Variants in ACYP2 observed in about 807,000 individuals in gnomAD.
ACYP2 encodes acylphosphatase 2.
Under a neutral mutation model 11.2 loss-of-function variants are expected in ACYP2, and 12 were observed. The ratio of observed to expected loss-of-function variants is 1.08; its 90% confidence interval spans 0.69 to 1.74. The LOEUF (loss-of-function observed/expected upper bound fraction) is 1.74, where lower values mean the gene tolerates loss of function less well. ACYP2 is among the 40% of genes most tolerant of loss of function. The probability of loss-of-function intolerance (pLI) is 0.00; values close to 1 mark genes in which losing one functional copy is unlikely to be tolerated. For missense variants in ACYP2, 134 were observed against 101.9 expected (o/e 1.31, Z -1.35); for synonymous variants, 43 against 32.2 (o/e 1.33, Z -1.13).
At chr2:54,239,086 T>C (rs62139199) in intron 6 of ACYP2, among the ~76,000 whole-genome samples, 15,920 of 152,144 alleles carry the variant, frequency 0.1, 975 homozygotes, top group East Asian at 0.17. Context: ...ACCCACACAA[T>C]GTGTATTCGT....
chr2:54,072,793 C>T (rs1213699263), intron 4 of ACYP2, among the ~76,000 whole-genome samples: 1 of 152,028 alleles, frequency 6.6e-6, no homozygotes, highest in African/African-American at 2.4e-5. Context: ...GAACTCCTGA[C>T]CTCAAATGAT....
At chr2:54,068,330 A>T (rs1676850332) in intron 4 of ACYP2, among the ~76,000 whole-genome samples, 1 of 152,188 alleles carries the variant, frequency 6.6e-6, no homozygotes, top group Non-Finnish European at 1.5e-5. Flanking sequence ...CCTGGGCCTC[A>T]GGGCTGGATT....
At chr2:54,211,418 G>C (rs1685325926) in intron 6 of ACYP2, among the ~76,000 whole-genome samples, 1 of 152,140 alleles carries the variant, frequency 6.6e-6, no homozygotes, top group African/African-American at 2.4e-5. Flanking sequence ...ATGTAAGTTT[G>C]ATGTGTGTTT....
chr2:54,115,217 C>T (rs547544581), intron 4 of ACYP2, among the ~76,000 whole-genome samples: 1 of 152,174 alleles, frequency 6.6e-6, no homozygotes, highest in African/African-American at 2.4e-5. Flanking sequence ...GCAATGGATA[C>T]GTTAATTTCA....
intron 4 of ACYP2, among the ~76,000 whole-genome samples, chr2:54,098,727 T>C (rs1008637658): frequency 1.5e-4 from 4 of 25,988 alleles, no homozygotes; most frequent in East Asian, 3.0e-3. Context: ...ACAATGTCCC[T>C]TTTTTTTTTT....
At chr2:54,154,569 C>T (rs558766564) in intron 6 of ACYP2, among the ~76,000 whole-genome samples, 47 of 152,196 alleles carry the variant, frequency 3.1e-4, no homozygotes, top group African/African-American at 1.1e-3. Context: ...ATATGGTGTT[C>T]TCCATTTATA....
At chr2:54,014,053 G>A (rs1392478045) in intron 2 of ACYP2, among the ~76,000 whole-genome samples, 3 of 152,084 alleles carry the variant, frequency 2.0e-5, no homozygotes, top group Non-Finnish European at 4.4e-5. Context: ...AGATACCCAG[G>A]AGGCTGAGGC....
rs186852584 is a variant in ACYP2, at chr2:54,042,297, C to T, written c.63-8661C>T. 1.2e-3 allele frequency among the ~76,000 whole-genome samples: 176 copies of T among 152,340 alleles called. 2 individuals carry two copies. Among genetic ancestry groups the T allele is most frequent in the Admixed American group, 1.9e-3 (29 of 15,294 alleles). On this transcript the variant is annotated intron_variant, in intron 2 of 6. Coordinates refer to ENST00000607452, the MANE Select transcript of ACYP2 (RefSeq NM_001320586.2). ...CTGGGATTACAGGCGTGAGCCACCA[C>T]GCCCAGCCCAAACTCACTTTATTCT... is the stretch of plus-strand genomic sequence containing the variant.
chr2:54,250,711 T>C (rs1391884898), intron 6 of ACYP2, among the ~76,000 whole-genome samples: 3 of 152,242 alleles, frequency 2.0e-5, no homozygotes, highest in East Asian at 1.9e-4. Flanking sequence ...GAAAAACTAC[T>C]TCATTTTCAA....
intron 6 of ACYP2, among the ~76,000 whole-genome samples, chr2:54,144,979 A>G (rs1379490102): frequency 2.6e-5 from 4 of 152,034 alleles, no homozygotes; most frequent in Admixed American, 2.6e-4. Context: ...AAAGTTAATA[A>G]TGAAGGTGAT....
chr2:54,013,737 A>T (rs1262974632), intron 2 of ACYP2, among the ~76,000 whole-genome samples: 1 of 144,500 alleles, frequency 6.9e-6, no homozygotes, highest in Non-Finnish European at 1.5e-5. Context: ...AAGAAAAAAA[A>T]AAAAAAGAGA....
chr2:54,259,301 G>A (rs1417694246), intron 6 of ACYP2, among the ~76,000 whole-genome samples: 2 of 152,222 alleles, frequency 1.3e-5, no homozygotes, highest in African/African-American at 4.8e-5. Flanking sequence ...GAGCTCAGGA[G>A]AGGTCTGAGA....
At chr2:54,258,217 C>CT (rs1265767388) in intron 6 of ACYP2, among the ~76,000 whole-genome samples, 1 of 151,196 alleles carries the variant, frequency 6.6e-6, no homozygotes, top group Non-Finnish European at 1.5e-5. Context: ...ATTGAAAGTC[C>CT]TGGGGGTAGG....
chr2:54,084,798 T>A (rs528793786), intron 4 of ACYP2: 9 of 152,306 alleles, frequency 5.9e-5, no homozygotes, highest in Admixed American at 2.0e-4. Context: ...GCAACTTGCC[T>A]TGCACTGCCC....
chr2:54,281,064 G>C (rs1436504403), intron 6 of ACYP2, among the ~76,000 whole-genome samples: 2 of 152,162 alleles, frequency 1.3e-5, no homozygotes, highest in African/African-American at 4.8e-5. Context: ...TCCTCAGAGA[G>C]AAGTTGGAGG....
chr2:54,274,303 C>A (rs933450988), intron 6 of ACYP2, among the ~76,000 whole-genome samples: 1 of 152,064 alleles, frequency 6.6e-6, no homozygotes, highest in Non-Finnish European at 1.5e-5. Context: ...ATTCAATCAC[C>A]TCCCACCAGG....
intron 6 of ACYP2, among the ~76,000 whole-genome samples, chr2:54,211,887 G>A (rs1386584882): frequency 1.3e-5 from 2 of 152,098 alleles, no homozygotes; most frequent in Admixed American, 1.3e-4. Context: ...CATGATGCCA[G>A]GAACTCTGCT....
intron 2 of ACYP2, among the ~76,000 whole-genome samples, chr2:53,976,987 T>A (rs997676797): frequency 3.3e-5 from 5 of 152,234 alleles, no homozygotes; most frequent in Non-Finnish European, 7.3e-5. Flanking sequence ...GTAATTTCTT[T>A]GTACTCCTTG....
intron 4 of ACYP2, among the ~76,000 whole-genome samples, chr2:54,075,699 G>C (rs1572698931): frequency 4.6e-5 from 7 of 151,836 alleles, no homozygotes. Flanking sequence ...TGTAATCCCA[G>C]CTACTCAGAA....
Sources: gnomAD v4.1 joint callset for allele counts (sites outside exome capture counted in the v4.1 genomes callset) on GRCh38, gnomAD v4.1.1 for gene constraint, MANE v1.5 for transcripts, NCBI Gene and HGNC (gene_info 2026-07-23, HGNC 2026-07-21) for gene names.